Variants in HTR2C observed in about 807,000 individuals in gnomAD.
The protein encoded by HTR2C is 5-hydroxytryptamine receptor 2C, also known as 5-hydroxytryptamine (serotonin) receptor 2C, G protein-coupled.
A neutral mutation model predicts 21.0 loss-of-function variants in HTR2C; 5 were observed. That is an observed-to-expected ratio of 0.24 (90% confidence interval 0.12 to 0.50). The LOEUF is 0.50. Among genes scored for constraint, HTR2C ranks in the 20% least tolerant of loss-of-function variants. HTR2C has a pLI of 0.98. For missense variants in HTR2C, 271 were observed against 371.2 expected (o/e 0.73, Z 2.22); for synonymous variants, 150 against 145.3 (o/e 1.03, Z -0.23).
intron 2 of HTR2C, among the ~76,000 whole-genome samples, chrX:114,639,867 G>A (rs1159355777): frequency 9.0e-6 from 1 of 111,257 alleles, no homozygotes; most frequent in African/African-American, 3.3e-5. Flanking sequence ...AGTATGAATA[G>A]ATGTAAGAAG....
chrX:114,894,881 G>A (rs2071284678), intron 5 of HTR2C, among the ~76,000 whole-genome samples: 1 of 109,982 alleles, frequency 9.1e-6, no homozygotes, highest in Non-Finnish European at 1.9e-5. Flanking sequence ...ACCATGCTCG[G>A]CTAATTTTTG....
At chrX:114,709,373 G>A (rs993038826) in intron 2 of HTR2C, among the ~76,000 whole-genome samples, 2 of 111,783 alleles carry the variant, frequency 1.8e-5, no homozygotes, top group East Asian at 5.6e-4. Context: ...ATTGGTTGAT[G>A]GGATTATCTC....
At chrX:114,625,290 C>T (rs1194541087) in intron 2 of HTR2C, among the ~76,000 whole-genome samples, 13 of 110,605 alleles carry the variant, frequency 1.2e-4, no homozygotes, top group African/African-American at 4.0e-4. Flanking sequence ...GTGTTTGACC[C>T]TCCAAATCTC....
chrX:114,667,613 C>A (rs1416728142), intron 2 of HTR2C, among the ~76,000 whole-genome samples: 2 of 111,600 alleles, frequency 1.8e-5, no homozygotes, highest in African/African-American at 3.2e-5. Flanking sequence ...CGATTTATGA[C>A]ATGTTGAGGC....
chrX:114,903,748 A>T (rs897832426), intron 5 of HTR2C, among the ~76,000 whole-genome samples: 4 of 112,380 alleles, frequency 3.6e-5, no homozygotes, highest in African/African-American at 1.3e-4. Context: ...AGAAACGTCC[A>T]AGTGTGTCTA....
chrX:114,718,999 T>TA (rs1933094457), intron 2 of HTR2C, among the ~76,000 whole-genome samples: 1 of 97,947 alleles, frequency 1.0e-5, no homozygotes, highest in Admixed American at 1.2e-4. Flanking sequence ...TAATATAATA[T>TA]ATAATAATAA....
intron 4 of HTR2C, among the ~76,000 whole-genome samples, chrX:114,816,064 A>C (rs1434463840): frequency 2.7e-5 from 3 of 111,369 alleles, no homozygotes; most frequent in African/African-American, 9.8e-5. Flanking sequence ...CAGTACTCCC[A>C]GAACATCATG....
intron 2 of HTR2C, among the ~76,000 whole-genome samples, chrX:114,650,140 A>C (rs1199966460): frequency 8.9e-6 from 1 of 112,048 alleles, no homozygotes; most frequent in Non-Finnish European, 1.9e-5. Context: ...TTAATGTCTA[A>C]GTCATTACTT....
At position 114,621,788 on chromosome X, in the gene HTR2C, G is replaced by A. The variant is rs1047599795; in HGVS notation, c.-80+7907G>A. On this transcript the variant is annotated intron_variant, in intron 2 of 5. Transcript: ENST00000276198. ...ATTGTGGCCTGAGAAGAACAAGCCC[G>A]TCTAGGTTGAGAAGGCTCAATGAAA... Among the ~76,000 whole-genome samples the A allele has an allele frequency of 1.1e-4, 12 of 112,110 alleles. No homozygotes were observed. In the Middle Eastern group the frequency reaches 0.018, roughly 171 times the overall value.
At position 114,592,945 on chromosome X, in the gene HTR2C, G is replaced by A. The variant is rs1927691185; in HGVS notation, c.-147+8286G>A. Among the ~76,000 whole-genome samples the A allele has an allele frequency of 2.7e-5, 3 of 112,265 alleles. No individual in the cohort carries two copies. The South Asian group carries it at 1.1e-3, about 42-fold the overall frequency. On this transcript the variant is annotated intron_variant, in intron 1 of 5. Transcript: ENST00000276198. ...GGGACTCTAAAGTGGGTTATGAAGT[G>A]ATGAGCTTCAGCTAACAGGGAACAT...
chrX:114,609,605 C>T (rs985630460), intron 1 of HTR2C, among the ~76,000 whole-genome samples: 14 of 111,329 alleles, frequency 1.3e-4, no homozygotes, highest in African/African-American at 2.0e-4. Context: ...AGGACAGTAT[C>T]GTGTTAGACA....
chrX:114,600,159 A>T (rs1212598005), intron 1 of HTR2C, among the ~76,000 whole-genome samples: 2 of 112,330 alleles, frequency 1.8e-5, no homozygotes, highest in Non-Finnish European at 3.8e-5. Context: ...GGAAATGGAA[A>T]CAGAGACAGG....
At chrX:114,798,834 T>G (rs2070319671) in intron 4 of HTR2C, among the ~76,000 whole-genome samples, 1 of 111,348 alleles carries the variant, frequency 9.0e-6, no homozygotes, top group Non-Finnish European at 1.9e-5. Context: ...AAATCTACCT[T>G]ATATGTCTAA....
intron 5 of HTR2C, among the ~76,000 whole-genome samples, chrX:114,898,180 T>C (rs1249330922): frequency 8.9e-6 from 1 of 112,925 alleles, no homozygotes; most frequent in Non-Finnish European, 1.9e-5. Context: ...TGTTTTCATG[T>C]ATTTCTTGGC....
At chrX:114,606,195 C>T (rs2147799367) in intron 1 of HTR2C, among the ~76,000 whole-genome samples, 1 of 110,926 alleles carries the variant, frequency 9.0e-6, no homozygotes, top group East Asian at 2.9e-4. Context: ...GGTTGGGGTA[C>T]TTAACCCTCT....
chrX:114,662,625 G>A (rs1425465765), intron 2 of HTR2C, among the ~76,000 whole-genome samples: 4 of 111,736 alleles, frequency 3.6e-5, no homozygotes, highest in African/African-American at 1.3e-4. Flanking sequence ...CTAAATGACT[G>A]TGCAGACACA....
chrX:114,610,894 A>C (rs1428048669), intron 1 of HTR2C, among the ~76,000 whole-genome samples: 3 of 111,806 alleles, frequency 2.7e-5, no homozygotes, highest in African/African-American at 9.8e-5. Flanking sequence ...GGGAAGAAGC[A>C]AGTGAGCCTC....
chrX:114,849,903 A>G (rs1353794476), intron 5 of HTR2C, among the ~76,000 whole-genome samples: 1 of 112,109 alleles, frequency 8.9e-6, no homozygotes, highest in Non-Finnish European at 1.9e-5. Flanking sequence ...ACAATACAAC[A>G]TGAATCAGGT....
At chrX:114,873,682 A>G (rs189502461) in intron 5 of HTR2C, among the ~76,000 whole-genome samples, 2 of 111,756 alleles carry the variant, frequency 1.8e-5, no homozygotes, top group East Asian at 5.6e-4. Flanking sequence ...AAAAACTTAT[A>G]TATTTAAAGT....
Sources: gnomAD v4.1 joint callset for allele counts (sites outside exome capture counted in the v4.1 genomes callset) on GRCh38, gnomAD v4.1.1 for gene constraint, MANE v1.5 for transcripts, NCBI Gene and HGNC (gene_info 2026-07-23, HGNC 2026-07-21) for gene names.